GRIN2B: variants seen among roughly 807,000 people sequenced by gnomAD.
GRIN2B encodes the protein glutamate ionotropic receptor NMDA type subunit 2B.
In GRIN2B, 5 loss-of-function variants were observed where a neutral mutation model predicts 114.5. The observed-to-expected ratio is 0.04, with a 90% CI of 0.02 to 0.09. The LOEUF (loss-of-function observed/expected upper bound fraction) is 0.09. Ranked by LOEUF, GRIN2B falls within the 10% of genes least tolerant of loss-of-function variation. The pLI, the probability that GRIN2B is intolerant of heterozygous loss-of-function variation, is 1.00. For synonymous variants in GRIN2B, 787 were observed against 745.1 expected (o/e 1.06, Z -0.92); for missense variants, 1,108 against 1,943.5 (o/e 0.57, Z 8.08).
At position 13,571,943 on chromosome 12, in the gene GRIN2B, A is replaced by G; in HGVS notation, c.2032T>C (p.Ser678Pro). 6.2e-7 allele frequency: 1 copy of G among 1,614,080 alleles called. No individual in the cohort carries two copies. The highest frequency in any genetic ancestry group is 8.5e-7 in the Non-Finnish European group (1 of 1,179,964). The change falls in exon 11 of 14, where the codon TCA becomes CCA. Residue 678 changes from serine to proline, a missense_variant. Ser to Pro is a moderately conservative substitution (Grantham distance 74). Around this residue, in one of 19 missense-constraint regions of GRIN2B, gnomAD observed 10 missense variants for 17.4 expected, o/e 0.57. Coordinates refer to ENST00000609686, the MANE Select transcript of GRIN2B (RefSeq NM_000834.5). ...DKKFQRPNDF[S>P]PPFRFGTVPN... Reference sequence around the variant, plus strand: ...ACGGTCCCAAAGCGGAAAGGGGGTGAGAAGTCATTAGGTCTCTGGAACTGG... The same window carrying G: ...ACGGTCCCAAAGCGGAAAGGGGGTGGGAAGTCATTAGGTCTCTGGAACTGG...
At chr12:13,850,709 C>T (rs1026350793) in intron 3 of GRIN2B, among the ~76,000 whole-genome samples, 18 of 152,276 alleles carry the variant, frequency 1.2e-4, no homozygotes, top group African/African-American at 4.3e-4. Context: ...GTTGCAATAG[C>T]TGGGATATCC....
At position 13,904,693 on chromosome 12, in the gene GRIN2B, T is replaced by G. The variant is rs1474477882; in HGVS notation, c.-18-38467A>C. On this transcript the variant is annotated intron_variant, in intron 2 of 13. Transcript: ENST00000609686. ...TTTTTCCAAATCTTTAAAACTTTTA[T>G]TTCATTCTAAAAGACATTTTCACTG... 4.6e-5 allele frequency among the ~76,000 whole-genome samples: 7 copies of G among 152,252 alleles called. No individual in the cohort carries two copies. In the South Asian group the frequency reaches 1.0e-3, roughly 22 times the overall value.
chr12:13,813,574 C>T (rs2136686435), intron 3 of GRIN2B, among the ~76,000 whole-genome samples: 1 of 152,240 alleles, frequency 6.6e-6, no homozygotes, highest in East Asian at 1.9e-4. Context: ...CAGTGCCTTA[C>T]ACATATTCTC....
chr12:13,815,770 G>A (rs1453101345), intron 3 of GRIN2B, among the ~76,000 whole-genome samples: 2 of 152,132 alleles, frequency 1.3e-5, no homozygotes, highest in African/African-American at 2.4e-5. Flanking sequence ...AAATACTCAC[G>A]AATTTTCTTT....
At position 13,550,897 on chromosome 12, in the gene GRIN2B, A is replaced by AGAT. The variant is rs1948402820; in HGVS notation, c.*11883_*11885dup. The AGAT allele has an allele frequency of 6.6e-6, 1 of 152,202 alleles. No individual in the cohort carries two copies. Among genetic ancestry groups the AGAT allele is most frequent in the African/African-American group, 2.4e-5 (1 of 41,454 alleles). 9.4% of individuals were successfully genotyped at this position (152,202 alleles called of 1,614,324 possible). Reference sequence around the variant, plus strand: ...GTCAACTCAGGATAAGTATACCTCAAGATGAATAAATTGAGAAAGAGAAGT... The same window carrying AGAT: ...GTCAACTCAGGATAAGTATACCTCAAGATGATGAATAAATTGAGAAAGAGAAGT... On this transcript the variant is annotated 3_prime_UTR_variant, in exon 14 of 14. Transcript: ENST00000609686.
chr12:13,826,844 C>A (rs1028416572), intron 3 of GRIN2B, among the ~76,000 whole-genome samples: 1 of 151,940 alleles, frequency 6.6e-6, no homozygotes, highest in Non-Finnish European at 1.5e-5. Context: ...TATCTGATAC[C>A]ATTTTTCTTT....
chr12:13,687,025 C>T (rs1362211504), intron 4 of GRIN2B, among the ~76,000 whole-genome samples: 6 of 152,146 alleles, frequency 3.9e-5, no homozygotes, highest in African/African-American at 1.4e-4. Flanking sequence ...CATGTGATCT[C>T]TCAACATGCA....
At chr12:13,967,355 A>G (rs1867805846) in intron 2 of GRIN2B, among the ~76,000 whole-genome samples, 1 of 152,250 alleles carries the variant, frequency 6.6e-6, no homozygotes, top group Admixed American at 6.5e-5. Flanking sequence ...CATTTACTAC[A>G]AAGCTTAGAG....
intron 3 of GRIN2B, among the ~76,000 whole-genome samples, chr12:13,789,670 G>T (rs1229346128): frequency 2.6e-5 from 4 of 152,164 alleles, no homozygotes; most frequent in Non-Finnish European, 5.9e-5. Context: ...GCGATTCAGG[G>T]CTATGCATCA....
At chr12:13,927,966 C>CA (rs57736516) in intron 2 of GRIN2B, among the ~76,000 whole-genome samples, 3 of 37,594 alleles carry the variant, frequency 8.0e-5, no homozygotes, top group Non-Finnish European at 9.5e-5. Context: ...GACCCTGTCT[C>CA]AAAAAAAAAA....
intron 3 of GRIN2B, among the ~76,000 whole-genome samples, chr12:13,849,769 C>T (rs58646238): frequency 2.0e-5 from 3 of 152,232 alleles, no homozygotes; most frequent in East Asian, 3.9e-4. Context: ...CTATCATTAC[C>T]GACAAATACA....
At chr12:13,584,498 GC>G (rs578204912) in intron 10 of GRIN2B, among the ~76,000 whole-genome samples, 73 of 152,332 alleles carry the variant, frequency 4.8e-4, no homozygotes, top group Non-Finnish European at 8.5e-4. Flanking sequence ...CATTCAAAGT[GC>G]ACTATTTAGC....
intron 3 of GRIN2B, among the ~76,000 whole-genome samples, chr12:13,843,229 TCA>T (rs149491169): frequency 3.3e-5 from 5 of 149,266 alleles, no homozygotes; most frequent in Admixed American, 6.7e-5. Context: ...CCCATACACA[TCA>T]CACACACACA....
At chr12:13,598,685 G>A (rs1256658176) in intron 10 of GRIN2B, among the ~76,000 whole-genome samples, 2 of 152,086 alleles carry the variant, frequency 1.3e-5, no homozygotes, top group African/African-American at 4.8e-5. Flanking sequence ...TGATTTCCTG[G>A]CTACCTCCTT....
Position 13,809,214 on chromosome 12 carries a change from G to A in GRIN2B, c.412-55299C>T, listed in dbSNP as rs548337975. ...AGGACAACTGCTCTTGAATATTACC[G>A]GTCTCAGAAAAACCAATTTCCTAAT... On this transcript the variant is annotated intron_variant, in intron 3 of 13. Coordinates refer to ENST00000609686, the MANE Select transcript of GRIN2B (RefSeq NM_000834.5). Among the ~76,000 whole-genome samples the A allele has an allele frequency of 3.3e-5, 5 of 152,180 alleles. No homozygotes were observed. In the South Asian group the frequency reaches 6.2e-4, roughly 19 times the overall value.
chr12:13,738,578 A>G (rs1453181972), intron 4 of GRIN2B, among the ~76,000 whole-genome samples: 1 of 152,192 alleles, frequency 6.6e-6, no homozygotes, highest in Non-Finnish European at 1.5e-5. Flanking sequence ...CATATCCTGT[A>G]CCCTTTCCAA....
Position 13,696,534 on chromosome 12 carries a change from T to C in GRIN2B, c.1011-20675A>G, listed in dbSNP as rs547735390. Among the ~76,000 whole-genome samples the C allele has an allele frequency of 1.7e-4, 26 of 152,298 alleles. No homozygotes were observed. The South Asian group carries it at 5.4e-3, about 32-fold the overall frequency. ...GTTGCCCCAGGAATAAAAAAGTTGC[T>C]AGAATCTACCTGCACCATGCAGTCT... On this transcript the variant is annotated intron_variant, in intron 4 of 13. Coordinates refer to ENST00000609686, the MANE Select transcript of GRIN2B (RefSeq NM_000834.5).
At chr12:13,969,831 A>G (rs1867846262) in intron 2 of GRIN2B, among the ~76,000 whole-genome samples, 1 of 152,212 alleles carries the variant, frequency 6.6e-6, no homozygotes, top group African/African-American at 2.4e-5. Flanking sequence ...AGCTTTGTAA[A>G]TGGGTACATA....
At chr12:13,639,764 T>C (rs1414223460) in intron 5 of GRIN2B, among the ~76,000 whole-genome samples, 1 of 152,100 alleles carries the variant, frequency 6.6e-6, no homozygotes, top group East Asian at 1.9e-4. Context: ...TTCCTCTCTT[T>C]CTTACCTGTT....
Sources: allele counts gnomAD v4.1 joint callset (sites outside exome capture counted in the v4.1 genomes callset), GRCh38; gene constraint gnomAD v4.1.1; regional missense constraint gnomAD v4.1.1; transcripts MANE v1.5; gene names NCBI Gene and HGNC (gene_info 2026-07-23, HGNC 2026-07-21).